The following PCGF6 variants were observed in gnomAD, a reference collection of about 807,000 sequenced individuals.
PCGF6 encodes polycomb group RING finger protein 6.
Under a neutral mutation model 45.5 loss-of-function variants are expected in PCGF6, and 24 were observed. The observed-to-expected ratio is 0.53, with a 90% CI of 0.38 to 0.74. PCGF6 has a LOEUF of 0.74. PCGF6 is among the 30% of genes least tolerant of loss of function. The pLI is 0.00. For synonymous variants in PCGF6, 152 were observed against 162.1 expected (o/e 0.94, Z 0.47); for missense variants, 356 against 443.2 (o/e 0.80, Z 1.77).
intron 5 of PCGF6, among the ~76,000 whole-genome samples, chr10:103,346,441 T>C (rs1231428860): frequency 6.6e-6 from 1 of 152,068 alleles, no homozygotes; most frequent in East Asian, 1.9e-4. Flanking sequence ...CTGGCCAACA[T>C]GGTGAAACCC....
intron 8 of PCGF6, among the ~76,000 whole-genome samples, chr10:103,325,981 G>A (rs1298101275): frequency 6.6e-6 from 1 of 152,118 alleles, no homozygotes; most frequent in Non-Finnish European, 1.5e-5. Flanking sequence ...AGTGAGCCAT[G>A]ATCGTGTCAA....
At chr10:103,332,783 T>C (rs2093244570) in intron 7 of PCGF6, among the ~76,000 whole-genome samples, 1 of 152,084 alleles carries the variant, frequency 6.6e-6, no homozygotes, top group Non-Finnish European at 1.5e-5. Context: ...CGGTTTGATG[T>C]TTTACAACTT....
intron 8 of PCGF6, among the ~76,000 whole-genome samples, chr10:103,316,363 G>A (rs2093176314): frequency 6.6e-6 from 1 of 152,088 alleles, no homozygotes; most frequent in Non-Finnish European, 1.5e-5. Context: ...AGCATGGTTG[G>A]GAAAGAACAG....
intron 6 of PCGF6, among the ~76,000 whole-genome samples, chr10:103,344,019 C>T (rs1374084430): frequency 6.6e-6 from 1 of 151,542 alleles, no homozygotes; most frequent in East Asian, 1.9e-4. Flanking sequence ...GTAAATAAAC[C>T]AACAAACCTG....
chr10:103,323,420 T>C (rs750374896), intron 8 of PCGF6, among the ~76,000 whole-genome samples: 5 of 150,408 alleles, frequency 3.3e-5, no homozygotes, highest in Non-Finnish European at 5.9e-5. Flanking sequence ...CCTCAGCCTC[T>C]CAAGTAGCTG....
chr10:103,350,614 G>A, intron 1 of PCGF6, 93 bp downstream of exon 1: 2 of 1,246,956 alleles, frequency 1.6e-6, no homozygotes, highest in Non-Finnish European at 2.1e-6. Flanking sequence ...CGGCGGCGGC[G>A]CACTAGGATC....
chr10:103,325,760 T>C (rs1272566692), intron 8 of PCGF6, among the ~76,000 whole-genome samples: 2 of 151,606 alleles, frequency 1.3e-5, no homozygotes, highest in Non-Finnish European at 2.9e-5. Flanking sequence ...GGCTAACTCC[T>C]ATAATCCTAG....
chr10:103,349,114 C>T, intron 1 of PCGF6, 115 bp from the exon 2 acceptor site: 1 of 802,684 alleles, frequency 1.2e-6, no homozygotes, highest in Non-Finnish European at 2.0e-6. Context: ...GTGATGTCAT[C>T]TCGGTTCACT....
At chr10:103,309,647 G>A (rs1201811011) in intron 9 of PCGF6, among the ~76,000 whole-genome samples, 3 of 152,150 alleles carry the variant, frequency 2.0e-5, no homozygotes, top group Non-Finnish European at 4.4e-5. Context: ...TTAAGAAACA[G>A]AGTTCAGGCA....
At chr10:103,321,684 C>T (rs1243466593) in intron 8 of PCGF6, among the ~76,000 whole-genome samples, 1 of 151,778 alleles carries the variant, frequency 6.6e-6, no homozygotes, top group Non-Finnish European at 1.5e-5. Flanking sequence ...TGTACTCCAG[C>T]CTGGGTGACA....
Position 103,350,687 on chromosome 10 carries a change from CG to C in PCGF6, c.360+19del, listed in dbSNP as rs2093317635. The C allele has an allele frequency of 6.9e-7, 1 of 1,457,236 alleles. No homozygotes were observed. The highest frequency in any genetic ancestry group is 9.1e-7 in the Non-Finnish European group (1 of 1,098,248). 90.3% of individuals were successfully genotyped at this position (1,457,236 alleles called of 1,614,324 possible). A position where few individuals can be genotyped will look rare whatever the true frequency, so the allele number is the denominator to read the frequency against. On this transcript the variant is annotated intron_variant, in intron 1 of 9. Transcript: ENST00000369847. ...TGACGCCGCTTGGGCCCAGCGGGGT[CG>C]CGCGGGGGCTCTAAATACCTCCTCC...
chr10:103,305,814 G>A (rs548340535), intron 9 of PCGF6, among the ~76,000 whole-genome samples: 77 of 151,714 alleles, frequency 5.1e-4, no homozygotes, highest in Middle Eastern at 3.4e-3. Context: ...TTGAGAGTCC[G>A]AGGTGGGCAG....
At chr10:103,349,278 C>A (rs931793396) in intron 1 of PCGF6, among the ~76,000 whole-genome samples, 1 of 151,642 alleles carries the variant, frequency 6.6e-6, no homozygotes, top group Non-Finnish European at 1.5e-5. Flanking sequence ...GAACCCCTGG[C>A]CTCAGGTGAT....
intron 8 of PCGF6, 81 bp downstream of exon 8, chr10:103,326,453 G>T: frequency 4.4e-5 from 31 of 710,570 alleles, no homozygotes; most frequent in Non-Finnish European, 6.3e-5. Context: ...ATAATTGCAT[G>T]AAATCCTACA....
At chr10:103,316,900 T>C (rs1460199480) in intron 8 of PCGF6, among the ~76,000 whole-genome samples, 1 of 152,214 alleles carries the variant, frequency 6.6e-6, no homozygotes, top group Admixed American at 6.5e-5. Flanking sequence ...CACCTGTTTT[T>C]AGAGTGGTAT....
At chr10:103,305,427 C>T (rs920768997) in intron 9 of PCGF6, among the ~76,000 whole-genome samples, 10 of 151,982 alleles carry the variant, frequency 6.6e-5, no homozygotes, top group East Asian at 1.9e-4. Context: ...CCCGCCATCA[C>T]GCCTGGCTAA....
chr10:103,350,823 C>T lies in PCGF6; in HGVS notation c.244G>A (p.Glu82Lys), dbSNP rs1406182818. ...RFRGRFEDED[E>K]ELEEEEELEE... ...AGCTCCTCTTCTTCTTCCAACTCCT[C>T]GTCCTCGTCCTCGAAGCGGCCTCTG... The change falls in exon 1 of 10, where the codon GAG (glutamate) becomes AAG (lysine). Residue 82 changes from glutamate (E) to lysine (K), a missense_variant. Glu to Lys is a moderately conservative substitution (Grantham distance 56, BLOSUM62 1). This residue lies in a region of PCGF6 where 307 missense variants were observed against 350.1 expected (regional missense o/e 0.88). Coordinates refer to ENST00000369847, the MANE Select transcript of PCGF6 (RefSeq NM_001011663.2). 3.2e-6 allele frequency: 5 copies of T among 1,548,096 alleles called. No homozygotes were observed. Among genetic ancestry groups the T allele is most frequent in the African/African-American group, 1.4e-5 (1 of 72,538 alleles).
At chr10:103,338,849 G>A (rs2133589600) in intron 6 of PCGF6, among the ~76,000 whole-genome samples, 1 of 151,990 alleles carries the variant, frequency 6.6e-6, no homozygotes, top group African/African-American at 2.4e-5. Flanking sequence ...GCCTGGACAA[G>A]AAGAGTGAAA....
chr10:103,311,611 G>C (rs535866053), intron 9 of PCGF6, among the ~76,000 whole-genome samples: 1 of 150,886 alleles, frequency 6.6e-6, no homozygotes, highest in Admixed American at 6.6e-5. Flanking sequence ...GCACCTAGCC[G>C]CATTTCTTGT....
Sources: gnomAD v4.1 joint callset for allele counts (sites outside exome capture counted in the v4.1 genomes callset) on GRCh38, gnomAD v4.1.1 for gene constraint, gnomAD v4.1.1 regional missense constraint, MANE v1.5 for transcripts, NCBI Gene and HGNC (gene_info 2026-07-23, HGNC 2026-07-21) for gene names.